NUDT13: variants seen among roughly 807,000 people sequenced by gnomAD.
The protein encoded by NUDT13 is NAD(P)H pyrophosphatase NUDT13, mitochondrial.
NUDT13 carries 40 observed loss-of-function variants against 41.7 expected under a neutral mutation model. The ratio of observed to expected loss-of-function variants is 0.96; its 90% CI spans 0.75 to 1.25. NUDT13 has a LOEUF of 1.25. NUDT13 is among the 50% of genes most tolerant of loss of function. NUDT13 has a pLI of 0.00. For synonymous variants in NUDT13, 145 were observed against 155.5 expected, an observed-to-expected ratio of 0.93 and a Z score of 0.50; for missense variants, 390 against 416.1, an observed-to-expected ratio of 0.94 and a Z score of 0.55.
At position 73,114,421 on chromosome 10, in the gene NUDT13, T is replaced by C; in HGVS notation, c.56T>C (p.Leu19Pro). Residue 19 changes from leucine to proline, a missense_variant, in exon 2 of 9, where the codon CTG becomes CCG. Coordinates refer to ENST00000357321, the MANE Select transcript of NUDT13 (RefSeq NM_015901.6). The stretch of plus-strand genomic sequence containing the variant: ...AGAAAATTTTTTTGGTGCTATAGGC[T>C]GCTGTCAACCTATGTTACTAAGACA... ...CRRKFFWCYR[L>P]LSTYVTKTRY... 6.3e-7 allele frequency: 1 copy of C among 1,593,246 alleles called. No individual in the cohort carries two copies.
At chr10:73,127,282 G>A (rs1004032609) in intron 8 of NUDT13, among the ~76,000 whole-genome samples, 6 of 152,000 alleles carry the variant, frequency 3.9e-5, no homozygotes, top group Non-Finnish European at 8.8e-5. Context: ...GGGAGGCTGA[G>A]GCAGGAGAAT....
Position 73,114,348 on chromosome 10 carries a change from T to C in NUDT13, c.-9-9T>C. 2.1e-6 allele frequency: 3 copies of C among 1,447,870 alleles called. No individual in the cohort carries two copies. Among genetic ancestry groups the C allele is most frequent in the Middle Eastern group, 3.8e-4 (2 of 5,314 alleles). The allele number at this position is 1,447,870 out of a possible 1,614,324, so 89.7% of individuals were successfully genotyped here. ...ACTTTTTTTAAAACTCCTTTTTTTT[T>C]TTTTTAAGGACCTGACAATGTCCCT... is the stretch of plus-strand genomic sequence containing the variant. On this transcript the variant is annotated splice_polypyrimidine_tract_variant and intron_variant, in intron 1 of 8. Coordinates refer to ENST00000357321, the MANE Select transcript of NUDT13 (RefSeq NM_015901.6).
At chr10:73,110,989 T>C (rs898790965) in intron 1 of NUDT13, among the ~76,000 whole-genome samples, 1 of 152,166 alleles carries the variant, frequency 6.6e-6, no homozygotes, top group Non-Finnish European at 1.5e-5. Context: ...AAACGGACTC[T>C]AAACACAGGC....
At chr10:73,121,807 G>T (rs559281101) in intron 3 of NUDT13, among the ~76,000 whole-genome samples, 8 of 151,962 alleles carry the variant, frequency 5.3e-5, no homozygotes, top group African/African-American at 1.9e-4. Flanking sequence ...GATCCTCCCT[G>T]CCCCCCAGCC....
chr10:73,130,725 T>C lies in NUDT13; in HGVS notation c.881T>C (p.Leu294Ser), dbSNP rs1842899461. ...CAGATCCAGGTGAACTTGAGAGAAT[T>C]AGAGACAGCTGCCTGGTTCAGTCAT... is the stretch of plus-strand genomic sequence containing the variant. The part of the protein sequence containing the change: ...QTEIQVNLRE[L>S]ETAAWFSHDE... Residue 294 changes from leucine (L) to serine (S), a missense_variant, in exon 9 of 9, where the codon TTA (leucine) becomes TCA (serine). Coordinates refer to ENST00000357321, the MANE Select transcript of NUDT13 (RefSeq NM_015901.6). 1 of 1,613,686 alleles carries C rather than the reference T, an allele frequency of 6.2e-7. No individual in the cohort carries two copies. Among genetic ancestry groups the C allele is most frequent in the Non-Finnish European group, 8.5e-7 (1 of 1,179,878 alleles).
chr10:73,130,475 T>A (rs865914000), intron 8 of NUDT13: 1,583 of 150,978 alleles, frequency 0.01, 22 homozygotes, highest in African/African-American at 0.031. Context: ...AAAAAAAAAA[T>A]ATATATATAT....
intron 8 of NUDT13, among the ~76,000 whole-genome samples, chr10:73,128,078 G>C (rs1263822097): frequency 6.6e-6 from 1 of 151,972 alleles, no homozygotes; most frequent in Non-Finnish European, 1.5e-5. Flanking sequence ...CATGTCCTTT[G>C]GGCCTATCTA....
chr10:73,115,609 A>G (rs934805689), intron 2 of NUDT13, among the ~76,000 whole-genome samples: 3 of 152,232 alleles, frequency 2.0e-5, no homozygotes, highest in African/African-American at 7.2e-5. Context: ...GGCACATGGT[A>G]GGCACTAAAG....
intron 6 of NUDT13, 51 bp downstream of exon 6, chr10:73,125,294 T>C: frequency 6.2e-7 from 1 of 1,603,726 alleles, no homozygotes; most frequent in Non-Finnish European, 8.5e-7. Flanking sequence ...TGCGCTGCTT[T>C]GTCCTGGGGA....
intron 1 of NUDT13, among the ~76,000 whole-genome samples, chr10:73,112,116 C>T (rs911832278): frequency 1.3e-5 from 2 of 151,978 alleles, no homozygotes; most frequent in Non-Finnish European, 2.9e-5. Context: ...TTTGGGAGAC[C>T]CAGGCAGGCA....
At chr10:73,117,285 G>A (rs550257638) in intron 2 of NUDT13, among the ~76,000 whole-genome samples, 29 of 151,890 alleles carry the variant, frequency 1.9e-4, no homozygotes, top group African/African-American at 7.0e-4. Flanking sequence ...GGTCAGGCAC[G>A]GTAGCTCACA....
intron 8 of NUDT13, among the ~76,000 whole-genome samples, chr10:73,128,081 CCTAT>C (rs1359881178): frequency 6.6e-6 from 1 of 152,128 alleles, no homozygotes; most frequent in African/African-American, 2.4e-5. Context: ...GTCCTTTGGG[CCTAT>C]CTATCTTGTT....
In NUDT13 at chr10:73,126,819, C is replaced by T; in HGVS notation, c.850C>T (p.Gln284Ter). 6.2e-7 allele frequency: 1 copy of T among 1,613,938 alleles called. No homozygotes were observed. Among genetic ancestry groups the T allele is most frequent in the Non-Finnish European group, 8.5e-7 (1 of 1,179,854 alleles). ...IACHATVKPG[Q>*]TEIQVNLREL... ...TTGCCATGCAACTGTGAAACCAGGG[C>T]AGACAGAAGTAAGTTCTCATCTTCC... The change falls in exon 8 of 9, where the codon CAG becomes TAG. Residue 284 changes from glutamine (Q) to a stop codon, truncating the protein, a stop_gained. Coordinates refer to ENST00000357321, the MANE Select transcript of NUDT13 (RefSeq NM_015901.6). LOFTEE classifies it high-confidence loss of function.
intron 4 of NUDT13, among the ~76,000 whole-genome samples, chr10:73,122,578 T>A (rs1336280986): frequency 6.6e-6 from 1 of 152,074 alleles, no homozygotes; most frequent in Non-Finnish European, 1.5e-5. Context: ...TTATTTATTT[T>A]ATCTTATTTT....
intron 4 of NUDT13, among the ~76,000 whole-genome samples, chr10:73,122,870 C>T (rs1842679738): frequency 6.6e-6 from 1 of 151,008 alleles, no homozygotes; most frequent in South Asian, 2.1e-4. Context: ...GTATGAGCCA[C>T]CACACCTGGC....
intron 1 of NUDT13, among the ~76,000 whole-genome samples, chr10:73,113,964 G>T (rs1007040198): frequency 6.6e-6 from 1 of 152,126 alleles, no homozygotes; most frequent in South Asian, 2.1e-4. Flanking sequence ...TTTAGTTACA[G>T]ATTTTTTTTC....
At chr10:73,126,580 T>G in intron 7 of NUDT13, 93 bp from the exon 8 acceptor site, 1 of 1,391,194 alleles carries the variant, frequency 7.2e-7, no homozygotes, top group Non-Finnish European at 9.8e-7. Flanking sequence ...CATTGAAACT[T>G]TGGAGCCAGT....
chr10:73,114,408 T>G lies in NUDT13; in HGVS notation c.43T>G (p.Trp15Gly). 6.3e-7 allele frequency: 1 copy of G among 1,598,134 alleles called. No individual in the cohort carries two copies. The highest frequency in any genetic ancestry group is 2.2e-5 in the East Asian group (1 of 44,662). ...AATAGCTTGCAGGAGAAAATTTTTT[T>G]GGTGCTATAGGCTGCTGTCAACCTA... ...CGIACRRKFF[W>G]CYRLLSTYVT... The change falls in exon 2 of 9, where the codon TGG becomes GGG. Residue 15 changes from tryptophan to glycine, a missense_variant. Physicochemically the swap from Trp to Gly is radical, Grantham distance 184. Transcript: ENST00000357321.
At chr10:73,116,577 A>C (rs959137417) in intron 2 of NUDT13, among the ~76,000 whole-genome samples, 1 of 152,010 alleles carries the variant, frequency 6.6e-6, no homozygotes. Flanking sequence ...AGCCGTCTCT[A>C]CTAAAAATAC....
Sources: allele counts gnomAD v4.1 joint callset (sites outside exome capture counted in the v4.1 genomes callset), GRCh38; gene constraint gnomAD v4.1.1; transcripts MANE v1.5; gene names NCBI Gene and HGNC (gene_info 2026-07-23, HGNC 2026-07-21).